PTPRE: variants seen among roughly 807,000 people sequenced by gnomAD.
PTPRE encodes receptor-type tyrosine-protein phosphatase epsilon.
A neutral mutation model predicts 102.0 loss-of-function variants in PTPRE; 51 were observed. The ratio of observed to expected loss-of-function variants is 0.50; its 90% CI spans 0.40 to 0.63. The LOEUF is 0.63. Ranked by LOEUF, PTPRE falls within the 30% of genes least tolerant of loss-of-function variation. PTPRE has a pLI of 0.00. For missense variants in PTPRE, 752 were observed against 915.1 expected (o/e 0.82, Z 2.30); for synonymous variants, 345 against 348.2 (o/e 0.99, Z 0.10).
intron 6 of PTPRE, among the ~76,000 whole-genome samples, chr10:128,054,488 C>T (rs1371842054): frequency 6.6e-6 from 1 of 152,198 alleles, no homozygotes; most frequent in South Asian, 2.1e-4. Context: ...CTACAGGCGG[C>T]GTAGGTGCTG....
chr10:128,031,566 G>A (rs1449945287), intron 2 of PTPRE, among the ~76,000 whole-genome samples: 4 of 152,178 alleles, frequency 2.6e-5, no homozygotes, highest in African/African-American at 7.2e-5. Context: ...TGTTTCCCAC[G>A]ACCCTGCCAG....
rs117301893 is a variant in PTPRE at position 127,937,992 on chromosome 10, C to G, written c.-31+30683C>G. Among the ~76,000 whole-genome samples, 1,052 of 152,226 alleles carry G rather than the reference C, an allele frequency of 6.9e-3. 33 individuals carry two copies. Among genetic ancestry groups the G allele is most frequent in the Admixed American group, 0.048 (738 of 15,280 alleles). On this transcript the variant is annotated intron_variant, in intron 1 of 20. Coordinates refer to ENST00000254667, the MANE Select transcript of PTPRE (RefSeq NM_006504.6). ...AAGAATAATTCAAGTAGGTAACGCTCTCTCACATTTTTTAAAAAAAGAAAG... is the reference window on the plus strand; with the variant it reads ...AAGAATAATTCAAGTAGGTAACGCTGTCTCACATTTTTTAAAAAAAGAAAG...
chr10:128,050,008 C>T (rs1019514242), intron 6 of PTPRE, among the ~76,000 whole-genome samples: 6 of 152,180 alleles, frequency 3.9e-5, no homozygotes, highest in African/African-American at 1.4e-4. Flanking sequence ...ATGACAATAT[C>T]ATGGGGAAAG....
At chr10:128,035,916 C>G (rs1317226342) in intron 2 of PTPRE, among the ~76,000 whole-genome samples, 3 of 152,208 alleles carry the variant, frequency 2.0e-5, no homozygotes, top group Non-Finnish European at 4.4e-5. Flanking sequence ...ACTCTGGGGT[C>G]TCCTGGGCTG....
At position 128,056,202 on chromosome 10, in the gene PTPRE, AC is replaced by A. The variant is rs779542070; in HGVS notation, c.501del (p.Asn167LysfsTer10). 6 of 1,604,476 alleles carry A rather than the reference AC, an allele frequency of 3.7e-6. No individual in the cohort carries two copies. On this transcript the variant is annotated frameshift_variant, in exon 7 of 21. Coordinates refer to ENST00000254667, the MANE Select transcript of PTPRE (RefSeq NM_006504.6). LOFTEE classifies it high-confidence loss of function. Reference sequence around the variant, plus strand: ...AACAGAGAAAAAAACAGATATCCCAACATCCTTCCCAGTAAGATTTTATTTT... The same window carrying A: ...AACAGAGAAAAAAACAGATATCCCAAATCCTTCCCAGTAAGATTTTATTTT... Reference protein sequence around the residue: ...EENREKNRYPNILPNDHSRVI... With the variant: ...EENREKNRYPXILPNDHSRVI...
At chr10:128,049,317 C>T (rs747958752) in intron 5 of PTPRE, among the ~76,000 whole-genome samples, 1 of 152,100 alleles carries the variant, frequency 6.6e-6, no homozygotes, top group Non-Finnish European at 1.5e-5. Flanking sequence ...CAGAGGGACG[C>T]CCGTCACTTG....
At chr10:128,031,685 C>T (rs771010992) in intron 2 of PTPRE, among the ~76,000 whole-genome samples, 9 of 152,188 alleles carry the variant, frequency 5.9e-5, no homozygotes, top group African/African-American at 9.7e-5. Context: ...AGCCATCAGT[C>T]GGACCTGAGC....
At chr10:128,051,195 G>C (rs913274254) in intron 6 of PTPRE, among the ~76,000 whole-genome samples, 2 of 152,216 alleles carry the variant, frequency 1.3e-5, no homozygotes, top group Non-Finnish European at 2.9e-5. Flanking sequence ...CAGGGGCTGG[G>C]CTTGCTGATG....
rs555081916 is a variant in PTPRE, at chr10:127,978,938, T to C, written c.-30-3336T>C. ...CAGGAGGCTGAGGCAGGAGAATCAC[T>C]TGAACCCAGGAGGCAGGGGCTGCAG... On this transcript the variant is annotated intron_variant, in intron 1 of 20. Coordinates refer to ENST00000254667, the MANE Select transcript of PTPRE (RefSeq NM_006504.6). Among the ~76,000 whole-genome samples, 3 of 152,282 alleles carry C rather than the reference T, an allele frequency of 2.0e-5. No individual in the cohort carries two copies. In the East Asian group the frequency reaches 5.8e-4, roughly 29 times the overall value.
intron 20 of PTPRE, among the ~76,000 whole-genome samples, chr10:128,082,468 G>C (rs1851809842): frequency 6.6e-6 from 1 of 151,572 alleles, no homozygotes; most frequent in Non-Finnish European, 1.5e-5. Context: ...TCCTGCCTCA[G>C]CCTCTCAAAG....
At position 128,085,459 on chromosome 10, in the gene PTPRE, A is replaced by G. The variant is rs1377026227; in HGVS notation, c.*2553A>G. ...CTGATCTGTGTGTGATCTGGTCACT[A>G]TGTGACTGCCTTTACGGTTTCTCTC... On this transcript the variant is annotated 3_prime_UTR_variant, in exon 21 of 21. Transcript: ENST00000254667. 6.2e-6 allele frequency: 1 copy of G among 160,240 alleles called. No homozygotes were observed. The highest frequency in any genetic ancestry group is 1.7e-4 in the South Asian group (1 of 5,820). The allele number at this position is 160,240 out of a possible 1,614,324, so 9.9% of individuals were successfully genotyped here.
intron 2 of PTPRE, among the ~76,000 whole-genome samples, chr10:128,030,443 CAG>C (rs1352553615): frequency 6.6e-6 from 1 of 152,138 alleles, no homozygotes; most frequent in African/African-American, 2.4e-5. Context: ...GAAAGAGAGG[CAG>C]AGAGAGACGT....
chr10:128,081,397 G>A (rs774318679), intron 20 of PTPRE, among the ~76,000 whole-genome samples: 1 of 152,204 alleles, frequency 6.6e-6, no homozygotes, highest in African/African-American at 2.4e-5. Flanking sequence ...GACCTGAGGT[G>A]TGGCTTGTAT....
At chr10:127,923,605 C>T (rs922570870) in intron 1 of PTPRE, among the ~76,000 whole-genome samples, 3 of 151,810 alleles carry the variant, frequency 2.0e-5, no homozygotes, top group Admixed American at 6.6e-5. Context: ...GGTTTCACCA[C>T]GTTGGTCAGG....
intron 16 of PTPRE, 25 bp from the exon 17 acceptor site, chr10:128,073,312 C>G: frequency 6.2e-7 from 1 of 1,613,412 alleles, no homozygotes; most frequent in Non-Finnish European, 8.5e-7. Context: ...AAGTCAGACT[C>G]TAACCTCTGC....
rs768656180 is a variant in PTPRE, at chr10:128,070,280, G to A, written c.1144-21G>A. 2 of 1,585,396 alleles carry A rather than the reference G, an allele frequency of 1.3e-6. No homozygotes were observed. The highest frequency in any genetic ancestry group is 1.2e-5 in the South Asian group (1 of 86,300). Reference sequence around the variant, plus strand: ...CTGCAGGGCAGAGTTGAGGGTGTGGGCACCCCTGGCCTCTCTGCAGATGCA... The same window carrying A: ...CTGCAGGGCAGAGTTGAGGGTGTGGACACCCCTGGCCTCTCTGCAGATGCA... On this transcript the variant is annotated intron_variant, in intron 13 of 20. Coordinates refer to ENST00000254667, the MANE Select transcript of PTPRE (RefSeq NM_006504.6). The surrounding 1 kb of genome is among the most constrained non-coding windows in gnomAD (Gnocchi z 4.8).
chr10:128,039,436 A>G (rs1847485254), intron 2 of PTPRE, among the ~76,000 whole-genome samples: 1 of 152,220 alleles, frequency 6.6e-6, no homozygotes, highest in Non-Finnish European at 1.5e-5. Context: ...TTATTTGTGT[A>G]TGTGGCTCAT....
rs188780410 is a variant in PTPRE at position 127,931,233 on chromosome 10, A to G, written c.-31+23924A>G. Among the ~76,000 whole-genome samples, 58 of 152,126 alleles carry G rather than the reference A, an allele frequency of 3.8e-4. 1 individual carries two copies. The highest frequency in any genetic ancestry group is 1.3e-3 in the African/African-American group (55 of 41,488). On this transcript the variant is annotated intron_variant, in intron 1 of 20. Coordinates refer to ENST00000254667, the MANE Select transcript of PTPRE (RefSeq NM_006504.6). ...CCCTTATTTGTATATAAAGTTGTTT[A>G]TCTCCTTTAATAGTATCTGTTCAAA... is the stretch of plus-strand genomic sequence containing the variant.
chr10:128,001,491 C>A (rs1853888533), intron 2 of PTPRE, among the ~76,000 whole-genome samples: 1 of 152,136 alleles, frequency 6.6e-6, no homozygotes, highest in Non-Finnish European at 1.5e-5. Flanking sequence ...AATCCTTCCA[C>A]CCCCGGAATT....
Sources: gnomAD v4.1 joint callset for allele counts (sites outside exome capture counted in the v4.1 genomes callset) on GRCh38, gnomAD v4.1.1 for gene constraint, Gnocchi (gnomAD v3.1) non-coding constraint, MANE v1.5 for transcripts, NCBI Gene and HGNC (gene_info 2026-07-23, HGNC 2026-07-21) for gene names.